The following CLVS1 variants were observed in gnomAD, a reference collection of about 807,000 sequenced individuals.
CLVS1 encodes the protein clavesin-1.
A neutral mutation model predicts 33.1 loss-of-function variants in CLVS1; 10 were observed. That is an observed-to-expected ratio of 0.30 (90% confidence interval 0.19 to 0.51). The LOEUF is 0.51. Ranked by LOEUF, CLVS1 falls within the 20% of genes least tolerant of loss-of-function variation. The pLI, the probability that CLVS1 is intolerant of heterozygous loss-of-function variation, is 0.97. For missense variants in CLVS1, 343 were observed against 433.4 expected (o/e 0.79, Z 1.85); for synonymous variants, 163 against 166.1 (o/e 0.98, Z 0.14).
chr8:61,289,164 C>T (rs959874966), intron 1 of CLVS1, among the ~76,000 whole-genome samples: 3 of 152,160 alleles, frequency 2.0e-5, no homozygotes, highest in African/African-American at 7.2e-5. Flanking sequence ...ATTTGGAAGG[C>T]GAGATTTTTG....
At chr8:61,175,033 G>A (rs1161254667) in intron 2 of CLVS1, among the ~76,000 whole-genome samples, 4 of 152,148 alleles carry the variant, frequency 2.6e-5, no homozygotes, top group African/African-American at 9.7e-5. Context: ...GCAAGTCCTA[G>A]GATGTTGAGG....
chr8:61,340,264 A>G (rs1463977431), intron 2 of CLVS1, among the ~76,000 whole-genome samples: 1 of 152,188 alleles, frequency 6.6e-6, no homozygotes, highest in Non-Finnish European at 1.5e-5. Flanking sequence ...GTTACTAACT[A>G]TAGTCACCAT....
rs531384639 is a variant in CLVS1 at position 61,318,964 on chromosome 8, T to C, written c.455+18682T>C. On this transcript the variant is annotated intron_variant, in intron 2 of 5. Transcript: ENST00000325897. ...CTATAGTTTTTATTCTTATAATTTC[T>C]ATTTGAATATTTTAATACTATTTTT... 8.5e-5 allele frequency among the ~76,000 whole-genome samples: 13 copies of C among 152,262 alleles called. No individual in the cohort carries two copies. In the South Asian group the frequency reaches 2.3e-3, roughly 27 times the overall value.
At chr8:61,479,881 G>T (rs1818117366) in intron 5 of CLVS1, among the ~76,000 whole-genome samples, 1 of 152,222 alleles carries the variant, frequency 6.6e-6, no homozygotes, top group African/African-American at 2.4e-5. Context: ...ATCAGCAGCG[G>T]TGGCTGCAGA....
intron 2 of CLVS1, among the ~76,000 whole-genome samples, chr8:61,340,511 C>T (rs1040578545): frequency 6.6e-6 from 1 of 152,106 alleles, no homozygotes; most frequent in Non-Finnish European, 1.5e-5. Flanking sequence ...TTGCATATGA[C>T]AGGATTTCCT....
Position 61,272,947 on chromosome 8 carries a change from C to T in CLVS1, c.-151-26730C>T, listed in dbSNP as rs1304356227. On this transcript the variant is annotated intron_variant, in intron 2 of 2. Transcript: ENST00000522621. ...CTTTGCCTTTGGTTTGAATGTCCTC[C>T]CGTAGCTCAGAGTAATTTGATCGTC... Among the ~76,000 whole-genome samples, 9 of 149,564 alleles carry T rather than the reference C, an allele frequency of 6.0e-5. No individual in the cohort carries two copies. In the East Asian group the frequency reaches 1.8e-3, roughly 29 times the overall value.
At chr8:61,154,817 A>G (rs16926955) in intron 2 of CLVS1, among the ~76,000 whole-genome samples, 2,548 of 152,362 alleles carry the variant, frequency 0.017, 29 homozygotes, top group African/African-American at 0.024. Flanking sequence ...TAGAGTCAAC[A>G]TTCAACAAAT....
the CLVS1 span, among the ~76,000 whole-genome samples, chr8:61,021,321 A>G: frequency 2.0e-5 from 3 of 151,952 alleles, no homozygotes; most frequent in Admixed American, 6.5e-5. Flanking sequence ...AGGGCCACAT[A>G]CGTTAGATTT....
chr8:61,246,717 TTTTG>T (rs1808818382), intron 2 of CLVS1, among the ~76,000 whole-genome samples: 1 of 152,194 alleles, frequency 6.6e-6, no homozygotes, highest in Non-Finnish European at 1.5e-5. Flanking sequence ...CTCTTCCAGT[TTTTG>T]TTTGTCAGAA....
the CLVS1 span, among the ~76,000 whole-genome samples, chr8:60,994,513 A>T: frequency 6.6e-6 from 1 of 152,160 alleles, no homozygotes; most frequent in African/African-American, 2.4e-5. Flanking sequence ...GTGAAGGAGG[A>T]TGAAGCTGCT....
At chr8:60,981,908 A>G in the CLVS1 span, among the ~76,000 whole-genome samples, 1 of 152,256 alleles carries the variant, frequency 6.6e-6, no homozygotes, top group Admixed American at 6.5e-5. Context: ...GCTGACTGTG[A>G]AATATGACAG....
intron 2 of CLVS1, among the ~76,000 whole-genome samples, chr8:61,237,460 G>C (rs1585712703): frequency 2.6e-5 from 4 of 152,074 alleles, no homozygotes; most frequent in Admixed American, 2.0e-4. Flanking sequence ...GGAAAAATAA[G>C]AGGAGGAAGT....
chr8:61,304,836 A>G (rs969186139), intron 2 of CLVS1, among the ~76,000 whole-genome samples: 2 of 152,216 alleles, frequency 1.3e-5, no homozygotes, highest in African/African-American at 4.8e-5. Flanking sequence ...AAAATTGGTC[A>G]AGTAATTTTA....
In CLVS1 at chr8:61,447,151, A is replaced by G. The variant is rs73685040; in HGVS notation, c.631-6990A>G. ...CTATATCCTTGCTGATTTTCTGTCT[A>G]AAAGATTATCAGTTGTTGAGAGAGT... On this transcript the variant is annotated intron_variant, in intron 3 of 5. Coordinates refer to ENST00000325897, the MANE Select transcript of CLVS1 (RefSeq NM_173519.3). Among the ~76,000 whole-genome samples, 1,190 of 152,134 alleles carry G rather than the reference A, an allele frequency of 7.8e-3. 19 individuals carry two copies. The highest frequency in any genetic ancestry group is 0.028 in the African/African-American group (1,144 of 41,508).
At chr8:61,389,795 A>C (rs1023837742) in intron 3 of CLVS1, among the ~76,000 whole-genome samples, 6 of 152,208 alleles carry the variant, frequency 3.9e-5, no homozygotes, top group Non-Finnish European at 8.8e-5. Flanking sequence ...TATTAGAGAG[A>C]TGTTCATCTA....
intron 2 of CLVS1, among the ~76,000 whole-genome samples, chr8:61,147,108 G>T (rs9650204): frequency 0.47 from 71,630 of 152,004 alleles, 18,693 homozygotes; most frequent in Middle Eastern, 0.69. Flanking sequence ...CCCTTTATAA[G>T]ATGGAGAGCT....
At chr8:61,440,479 C>G (rs1198348517) in intron 3 of CLVS1, among the ~76,000 whole-genome samples, 1 of 152,168 alleles carries the variant, frequency 6.6e-6, no homozygotes, top group Admixed American at 6.6e-5. Flanking sequence ...TTACCATTTG[C>G]CAAAGATGTT....
At chr8:61,256,213 A>G (rs1034895355) in intron 2 of CLVS1, among the ~76,000 whole-genome samples, 4 of 152,190 alleles carry the variant, frequency 2.6e-5, no homozygotes, top group Non-Finnish European at 5.9e-5. Context: ...GGAACATACA[A>G]TGTTTTAAAA....
At chr8:61,307,410 C>T (rs1371578065) in intron 2 of CLVS1, among the ~76,000 whole-genome samples, 1 of 151,922 alleles carries the variant, frequency 6.6e-6, no homozygotes, top group Non-Finnish European at 1.5e-5. Flanking sequence ...GGCCAAGGAT[C>T]CAGGAGGTTC....
Sources: gnomAD v4.1 joint callset for allele counts (sites outside exome capture counted in the v4.1 genomes callset) on GRCh38, gnomAD v4.1.1 for gene constraint, MANE v1.5 for transcripts, NCBI Gene and HGNC (gene_info 2026-07-23, HGNC 2026-07-21) for gene names.